EXOSC3: variants seen among roughly 807,000 people sequenced by gnomAD.
The protein encoded by EXOSC3 is exosome component 3.
EXOSC3 carries 18 observed loss-of-function variants against 25.1 expected under a neutral mutation model. The ratio of observed to expected loss-of-function variants is 0.72; its 90% CI spans 0.50 to 1.06. The LOEUF is 1.06. Ranked by LOEUF, EXOSC3 falls within the 50% of genes least tolerant of loss-of-function variation. The pLI, the probability that EXOSC3 is intolerant of heterozygous loss-of-function variation, is 0.00. For synonymous variants in EXOSC3, 165 were observed against 132.2 expected (o/e 1.25, Z -1.70); for missense variants, 382 against 350.9 (o/e 1.09, Z -0.71).
rs370087266 is a variant in EXOSC3, at chr9:37,782,149, T to C, written c.475-12A>G. ...ATGAGATCTCCAACCTACAATGATATTAAAAACCAGTTCATTTCCTCTCAG... is the reference window on the plus strand; with the variant it reads ...ATGAGATCTCCAACCTACAATGATACTAAAAACCAGTTCATTTCCTCTCAG... On this transcript the variant is annotated splice_polypyrimidine_tract_variant and intron_variant, in intron 2 of 3. Transcript: ENST00000327304. 62 of 1,612,870 alleles carry C rather than the reference T, an allele frequency of 3.8e-5. No homozygotes were observed. Among genetic ancestry groups the C allele is most frequent in the Non-Finnish European group, 5.1e-5 (60 of 1,179,522 alleles).
intron 2 of EXOSC3, 46 bp from the exon 3 acceptor site, chr9:37,782,183 A>AAT (rs1347197150): frequency 6.2e-7 from 1 of 1,602,406 alleles, no homozygotes; most frequent in Non-Finnish European, 8.5e-7. Context: ...AGCAAACTAC[A>AAT]GGTGCTACTA....
rs1448353934 is a variant in EXOSC3, at chr9:37,780,805, A to G, written c.702T>C (p.Asn234=). 6 of 1,613,862 alleles carry G rather than the reference A, an allele frequency of 3.7e-6. No individual in the cohort carries two copies. Among genetic ancestry groups the G allele is most frequent in the Non-Finnish European group, 5.1e-6 (6 of 1,179,940 alleles). The stretch of plus-strand genomic sequence containing the variant: ...TTTTTGCCTTAACCCATATTCTTCC[A>G]TTCATTCCAAATACTATCTCCAGTG... The part of the protein sequence containing the change: ...LYPLEIVFGM[N]GRIWVKAKTI... Residue 234 remains asparagine, a synonymous_variant, in exon 4 of 4, where the codon AAT becomes AAC. Transcript: ENST00000327304.
intron 2 of EXOSC3, among the ~76,000 whole-genome samples, chr9:37,783,160 TAG>T (rs1828632513): frequency 6.6e-6 from 1 of 152,306 alleles, no homozygotes; most frequent in East Asian, 1.9e-4. Flanking sequence ...AGGAATTCTG[TAG>T]ATTTTGGAGA....
In EXOSC3 at chr9:37,784,889, CG is replaced by C. The variant is rs886041316; in HGVS notation, c.155del (p.Pro52ArgfsTer2). On this transcript the variant is annotated frameshift_variant, in exon 1 of 4. Transcript: ENST00000327304. LOFTEE classifies it high-confidence loss of function. ...AEGPGGAVER[P>X]LSLNARACSR... The stretch of plus-strand genomic sequence containing the variant: ...AGCACGCTCTAGCATTCAGGCTCAA[CG>C]GTCGCTCCACTGCACCCCCAGGGCC... 2.7e-5 allele frequency: 43 copies of C among 1,606,248 alleles called. No individual in the cohort carries two copies. The highest frequency in any genetic ancestry group is 3.7e-5 in the Non-Finnish European group (43 of 1,176,552).
Position 37,780,526 on chromosome 9 carries a change from C to T in EXOSC3, c.*153G>A, listed in dbSNP as rs1828561100. 1 of 626,872 alleles carries T rather than the reference C, an allele frequency of 1.6e-6. No individual in the cohort carries two copies. The highest frequency in any genetic ancestry group is 2.1e-5 in the South Asian group (1 of 47,352). 38.8% of individuals were successfully genotyped at this position (626,872 alleles called of 1,614,324 possible). ...GCAATGATTTTCTCTCCCACAAAAG[C>T]GTGGGTGAAAACCAGTAACTTATAA... On this transcript the variant is annotated 3_prime_UTR_variant, in exon 4 of 4. Transcript: ENST00000327304.
chr9:37,782,512 T>C (rs906921591), intron 2 of EXOSC3, among the ~76,000 whole-genome samples: 2 of 152,234 alleles, frequency 1.3e-5, no homozygotes, highest in African/African-American at 4.8e-5. Context: ...GTGGCTACCA[T>C]ACTAATCAGT....
rs1256419561 is a variant in EXOSC3 at position 37,782,128 on chromosome 9, G to C, written c.484C>G (p.Leu162Val). The C allele has an allele frequency of 1.2e-6, 2 of 1,613,784 alleles. No individual in the cohort carries two copies. Among genetic ancestry groups the C allele is most frequent in the African/African-American group, 2.7e-5 (2 of 75,022 alleles). ...GCAACCACAAACTGGCCATAGATGA[G>C]ATCTCCAACCTACAATGATATTAAA... ...RNRPNVQVGD[L>V]IYGQFVVANK... Residue 162 changes from leucine (L) to valine (V), a missense_variant, in exon 3 of 4, where the codon CTC (leucine) becomes GTC (valine). Coordinates refer to ENST00000327304, the MANE Select transcript of EXOSC3 (RefSeq NM_016042.4).
In EXOSC3 at chr9:37,784,807, C is replaced by A. The variant is rs374550999; in HGVS notation, c.238G>T (p.Val80Phe). Residue 80 changes from valine to phenylalanine, a missense_variant, in exon 1 of 4, where the codon GTC (valine) becomes TTC (phenylalanine). By Grantham distance (50) the Val-to-Phe change is conservative (BLOSUM62 -1). Transcript: ENST00000327304. ...TGACGGAGGCGGCCGCACTTGGTGA[C>A]CAGCAGGCGGTCCCCACAGCGCCGA... Reference protein sequence around the residue: ...GLRRCGDRLLVTKCGRLRHKE... With the variant: ...GLRRCGDRLLFTKCGRLRHKE... The A allele has an allele frequency of 1.6e-4, 258 of 1,608,334 alleles. 7 individuals carry two copies. The highest frequency in any genetic ancestry group is 6.0e-4 in the Admixed American group (36 of 59,540).
intron 3 of EXOSC3, 46 bp downstream of exon 3, chr9:37,781,940 T>C: frequency 6.4e-7 from 1 of 1,569,770 alleles, no homozygotes; most frequent in Non-Finnish European, 8.6e-7. Flanking sequence ...TTTCCAAGAA[T>C]GTATAATTAT....
rs1464153985 is a variant in EXOSC3, at chr9:37,780,845, A to G, written c.662T>C (p.Val221Ala). Residue 221 changes from valine (V) to alanine (A), a missense_variant, in exon 4 of 4, where the codon GTG becomes GCG. Transcript: ENST00000327304. ...LAPDCEIIQEVGKLYPLEIVF... is the reference protein window; with the variant it reads ...LAPDCEIIQEAGKLYPLEIVF... ...TATCTCCAGTGGATAGAGTTTTCCC[A>G]CTTCCTGTATGATTTCACAATCTGG... The G allele has an allele frequency of 1.2e-6, 2 of 1,613,486 alleles. No homozygotes were observed. The highest frequency in any genetic ancestry group is 1.7e-6 in the Non-Finnish European group (2 of 1,179,818).
In EXOSC3 at chr9:37,784,998, C is replaced by G. The variant is rs1828679429; in HGVS notation, c.47G>C (p.Arg16Thr). ...TAGTACTGTGCGTGCAGCGCGCGCC[C>G]TGCTGCCCGCGAGAGATTCAGCCGC... ...SVAAESLAGS[R>T]ARAARTVLGQ... The change falls in exon 1 of 4, where the codon AGG becomes ACG. Residue 16 changes from arginine (R) to threonine (T), a missense_variant. Arg to Thr is a moderately conservative substitution (Grantham distance 71). Transcript: ENST00000327304. The G allele has an allele frequency of 6.2e-7, 1 of 1,607,042 alleles. No individual in the cohort carries two copies. The highest frequency in any genetic ancestry group is 1.3e-5 in the African/African-American group (1 of 74,828).
rs1059059 is a variant in EXOSC3, at chr9:37,780,561, C to A, written c.*118G>T. On this transcript the variant is annotated 3_prime_UTR_variant, in exon 4 of 4. Coordinates refer to ENST00000327304, the MANE Select transcript of EXOSC3 (RefSeq NM_016042.4). Reference sequence around the variant, plus strand: ...AACCAGTAACTTATAAAAATACTTTCGGACTCTAATAATACATACATTCAC... The same window carrying A: ...AACCAGTAACTTATAAAAATACTTTAGGACTCTAATAATACATACATTCAC... The A allele has an allele frequency of 0.18, 137,741 of 762,716 alleles. 13,848 individuals carry two copies. The highest frequency in any genetic ancestry group is 0.34 in the African/African-American group (19,515 of 56,718). The allele number at this position is 762,716 out of a possible 1,614,324, so 47.2% of individuals were successfully genotyped here. A position where few individuals can be genotyped will look rare whatever the true frequency, so the allele number is the denominator to read the frequency against.
In EXOSC3 at chr9:37,784,044, TCTC is replaced by T. The variant is rs762680724; in HGVS notation, c.341_343del (p.Gly114del). 38 of 1,612,676 alleles carry T rather than the reference TCTC, an allele frequency of 2.4e-5. No homozygotes were observed. The highest frequency in any genetic ancestry group is 3.0e-5 in the Non-Finnish European group (35 of 1,179,492). On this transcript the variant is annotated inframe_deletion, in exon 2 of 4. Transcript: ENST00000327304. ...AGCTGTCACTATGCCAATCACATGG[TCTC>T]CTTTTACTGGAACATACTACAAAAA...
At chr9:37,784,381 T>C in intron 1 of EXOSC3, 1 of 472,672 alleles carries the variant, frequency 2.1e-6, no homozygotes. Context: ...ATGAAATTCT[T>C]ACCTGTTCTA....
chr9:37,782,273 C>T (rs1016387944), intron 2 of EXOSC3, 136 bp from the exon 3 acceptor site: 4 of 849,154 alleles, frequency 4.7e-6, no homozygotes, highest in East Asian at 2.7e-5. Flanking sequence ...AGGATTCCCA[C>T]AGTCACTTTG....
chr9:37,780,810 T>C lies in EXOSC3; in HGVS notation c.697A>G (p.Met233Val). Residue 233 changes from methionine to valine, a missense_variant, in exon 4 of 4, where the codon ATG (methionine) becomes GTG (valine). Transcript: ENST00000327304. ...KLYPLEIVFG[M>V]NGRIWVKAKT... ...GCCTTAACCCATATTCTTCCATTCA[T>C]TCCAAATACTATCTCCAGTGGATAG... 6.2e-7 allele frequency: 1 copy of C among 1,613,972 alleles called. No homozygotes were observed.
Position 37,780,829 on chromosome 9 carries a change from T to C in EXOSC3, c.678A>G (p.Pro226=). 3 of 1,613,740 alleles carry C rather than the reference T, an allele frequency of 1.9e-6. No individual in the cohort carries two copies. The highest frequency in any genetic ancestry group is 2.5e-6 in the Non-Finnish European group (3 of 1,179,820). The change falls in exon 4 of 4, where the codon CCA becomes CCG. Residue 226 remains proline (P), a synonymous_variant. Coordinates refer to ENST00000327304, the MANE Select transcript of EXOSC3 (RefSeq NM_016042.4). ...CATTCATTCCAAATACTATCTCCAGTGGATAGAGTTTTCCCACTTCCTGTA... is the reference window on the plus strand; with the variant it reads ...CATTCATTCCAAATACTATCTCCAGCGGATAGAGTTTTCCCACTTCCTGTA... ...EIIQEVGKLY[P]LEIVFGMNGR...
chr9:37,780,770 T>G lies in EXOSC3; in HGVS notation c.737A>C (p.Gln246Pro). 1.2e-6 allele frequency: 2 copies of G among 1,614,082 alleles called. No homozygotes were observed. Among genetic ancestry groups the G allele is most frequent in the Non-Finnish European group, 1.7e-6 (2 of 1,179,954 alleles). The change falls in exon 4 of 4, where the codon CAG becomes CCG. Residue 246 changes from glutamine (Q) to proline (P), a missense_variant. By Grantham distance (76) the Gln-to-Pro change is moderately conservative. Coordinates refer to ENST00000327304, the MANE Select transcript of EXOSC3 (RefSeq NM_016042.4). ...TAAAATGTTTGCCAAAATTAAAGTC[T>G]GCTGGATGGTTTTTGCCTTAACCCA... Reference protein sequence around the residue: ...RIWVKAKTIQQTLILANILEA... With the variant: ...RIWVKAKTIQPTLILANILEA...
chr9:37,780,887 G>C lies in EXOSC3; in HGVS notation c.627-7C>G, dbSNP rs1828579100. On this transcript the variant is annotated splice_region_variant and splice_polypyrimidine_tract_variant and intron_variant, in intron 3 of 3. Transcript: ENST00000327304. ...ACAATCTGGAGCTAATAGCCTGGTGGGAAGAGAAAAGAAAATGAAATTTAA... is the reference window on the plus strand; with the variant it reads ...ACAATCTGGAGCTAATAGCCTGGTGCGAAGAGAAAAGAAAATGAAATTTAA... 1.9e-6 allele frequency: 3 copies of C among 1,609,996 alleles called. No individual in the cohort carries two copies. The highest frequency in any genetic ancestry group is 2.5e-6 in the Non-Finnish European group (3 of 1,178,428).
Sources: gnomAD v4.1 joint callset for allele counts (sites outside exome capture counted in the v4.1 genomes callset) on GRCh38, gnomAD v4.1.1 for gene constraint, MANE v1.5 for transcripts, NCBI Gene and HGNC (gene_info 2026-07-23, HGNC 2026-07-21) for gene names.